Variants in UBE2F observed in about 807,000 individuals in gnomAD.
UBE2F encodes NEDD8-conjugating enzyme UBE2F.
UBE2F carries 5 observed loss-of-function variants against 29.6 expected under a neutral mutation model. The ratio of observed to expected loss-of-function variants is 0.17; its 90% CI spans 0.09 to 0.36. The LOEUF is 0.36. Ranked by LOEUF, UBE2F falls within the 10% of genes least tolerant of loss-of-function variation. UBE2F has a pLI of 1.00. For missense variants in UBE2F, 141 were observed against 228.5 expected, an observed-to-expected ratio of 0.62 and a Z score of 2.47; for synonymous variants, 66 against 81.8, an observed-to-expected ratio of 0.81 and a Z score of 1.04.
In UBE2F at chr2:238,040,429, A is replaced by G. The variant is rs2064814285; in HGVS notation, c.508-859A>G. On this transcript the variant is annotated intron_variant, in intron 9 of 9. Coordinates refer to ENST00000272930, the MANE Select transcript of UBE2F (RefSeq NM_080678.3). The surrounding 1 kb of genome is among the most constrained non-coding windows in gnomAD (Gnocchi z 4.4). Reference sequence around the variant, plus strand: ...TAAGGAAATGGAGCTCATGCCCACTAAGAACTATGGTAACTGTGCTGTGTT... The same window carrying G: ...TAAGGAAATGGAGCTCATGCCCACTGAGAACTATGGTAACTGTGCTGTGTT... 6.6e-6 allele frequency among the ~76,000 whole-genome samples: 1 copy of G among 152,218 alleles called. No individual in the cohort carries two copies. Among genetic ancestry groups the G allele is most frequent in the Non-Finnish European group, 1.5e-5 (1 of 68,036 alleles).
Position 237,973,496 on chromosome 2 carries a change from A to G in UBE2F, c.118+271A>G, listed in dbSNP as rs560079882. Reference sequence around the variant, plus strand: ...CGTCTGCCAAAATGCTAGCAGAAAGAATAAGGTGCTGAGAGTCAGCAAAGC... The same window carrying G: ...CGTCTGCCAAAATGCTAGCAGAAAGGATAAGGTGCTGAGAGTCAGCAAAGC... On this transcript the variant is annotated intron_variant, in intron 2 of 9. Transcript: ENST00000272930. Among the ~76,000 whole-genome samples the G allele has an allele frequency of 1.6e-4, 25 of 152,378 alleles. No individual in the cohort carries two copies. In the South Asian group the frequency reaches 4.1e-3, roughly 25 times the overall value.
At chr2:238,023,858 C>G (rs2064351043) in intron 5 of UBE2F, among the ~76,000 whole-genome samples, 1 of 152,068 alleles carries the variant, frequency 6.6e-6, no homozygotes, top group Non-Finnish European at 1.5e-5. Flanking sequence ...AGCAGTGTAT[C>G]AGAAGCTAGG....
chr2:237,975,517 A>G (rs2063263617), intron 2 of UBE2F, among the ~76,000 whole-genome samples: 1 of 152,184 alleles, frequency 6.6e-6, no homozygotes, highest in South Asian at 2.1e-4. Flanking sequence ...TGGAGATTGC[A>G]GGCATTTACG....
At chr2:237,980,260 G>A (rs981774781) in intron 2 of UBE2F, among the ~76,000 whole-genome samples, 1 of 152,188 alleles carries the variant, frequency 6.6e-6, no homozygotes, top group Non-Finnish European at 1.5e-5. Context: ...TGTGTGACCA[G>A]CCTTTTGTCT....
At chr2:237,973,357 C>A in intron 2 of UBE2F, 132 bp downstream of exon 2, 2 of 1,025,880 alleles carry the variant, frequency 1.9e-6, no homozygotes, top group South Asian at 1.6e-5. Context: ...AATATAATTG[C>A]TTATCTCTTA....
intron 4 of UBE2F, among the ~76,000 whole-genome samples, chr2:237,995,490 G>A (rs368787193): frequency 7.9e-5 from 12 of 152,162 alleles, no homozygotes; most frequent in African/African-American, 2.4e-4. Context: ...GGTGGCAACC[G>A]GTCGATGCTG....
chr2:237,969,833 G>A (rs1358892627), intron 1 of UBE2F, among the ~76,000 whole-genome samples: 2 of 152,204 alleles, frequency 1.3e-5, no homozygotes, highest in South Asian at 2.1e-4. Context: ...GTGACTATTT[G>A]CCTGTGAAGT....
chr2:237,971,673 G>C (rs148336552), intron 1 of UBE2F, among the ~76,000 whole-genome samples: 2 of 152,298 alleles, frequency 1.3e-5, no homozygotes, highest in East Asian at 1.9e-4. Flanking sequence ...GACCCTCTCT[G>C]ACCATGGCAA....
At chr2:238,024,686 A>G (rs574368104) in intron 5 of UBE2F, among the ~76,000 whole-genome samples, 1 of 152,244 alleles carries the variant, frequency 6.6e-6, no homozygotes, top group Admixed American at 6.5e-5. Context: ...GTGAGCCACC[A>G]TGCCCAAACT....
At chr2:238,019,483 C>T (rs2106387811) in intron 5 of UBE2F, among the ~76,000 whole-genome samples, 1 of 152,142 alleles carries the variant, frequency 6.6e-6, no homozygotes, top group African/African-American at 2.4e-5. Flanking sequence ...TGTCCTGCCT[C>T]AACCTCCTGA....
intron 2 of UBE2F, among the ~76,000 whole-genome samples, chr2:237,981,614 C>CTTTTTTTT: frequency 1.6e-5 from 1 of 62,370 alleles, no homozygotes; most frequent in Non-Finnish European, 2.8e-5. Flanking sequence ...AATTTGAATT[C>CTTTTTTTT]TTTTTTTTTT....
intron 5 of UBE2F, among the ~76,000 whole-genome samples, chr2:238,018,151 G>A (rs192721179): frequency 1.4e-4 from 22 of 152,260 alleles, no homozygotes; most frequent in African/African-American, 4.6e-4. Flanking sequence ...GAAACCTGGC[G>A]ACGGAGCACT....
chr2:238,038,862 A>G (rs976996749), intron 9 of UBE2F, among the ~76,000 whole-genome samples: 7 of 152,204 alleles, frequency 4.6e-5, no homozygotes, highest in African/African-American at 1.4e-4. Flanking sequence ...GGGAGGTGCA[A>G]AGTGCTCAGG....
intron 4 of UBE2F, among the ~76,000 whole-genome samples, chr2:237,995,012 T>G (rs963246048): frequency 6.6e-6 from 1 of 152,232 alleles, no homozygotes; most frequent in Non-Finnish European, 1.5e-5. Context: ...CAGTGTACAC[T>G]CTCAATAATG....
At chr2:238,035,650 C>T (rs2064691451) in intron 8 of UBE2F, 1 of 492,726 alleles carries the variant, frequency 2.0e-6, no homozygotes, top group Non-Finnish European at 3.6e-6. Context: ...TACATGTCAA[C>T]ATATCTCTGA....
At chr2:238,031,983 G>A (rs764016086) in intron 7 of UBE2F, among the ~76,000 whole-genome samples, 5 of 152,232 alleles carry the variant, frequency 3.3e-5, no homozygotes, top group Non-Finnish European at 7.3e-5. Flanking sequence ...CTGACTGGGA[G>A]GGTGTCTGAT....
chr2:237,971,068 A>G (rs2063167836), intron 1 of UBE2F, among the ~76,000 whole-genome samples: 1 of 152,216 alleles, frequency 6.6e-6, no homozygotes, highest in Non-Finnish European at 1.5e-5. Context: ...CATTTAGGGG[A>G]TATGCAGAAG....
intron 5 of UBE2F, among the ~76,000 whole-genome samples, chr2:238,017,885 C>T (rs1330992104): frequency 6.6e-6 from 1 of 152,114 alleles, no homozygotes; most frequent in African/African-American, 2.4e-5. Context: ...GTGGAGTTGC[C>T]CCCCAACCCC....
intron 2 of UBE2F, among the ~76,000 whole-genome samples, chr2:237,976,987 A>C (rs1049393350): frequency 2.0e-4 from 31 of 152,274 alleles, no homozygotes; most frequent in African/African-American, 7.0e-4. Flanking sequence ...AAGTAGCAGA[A>C]TAGAAGTGCA....
Sources: gnomAD v4.1 joint callset for allele counts (sites outside exome capture counted in the v4.1 genomes callset) on GRCh38, gnomAD v4.1.1 for gene constraint, Gnocchi (gnomAD v3.1) non-coding constraint, MANE v1.5 for transcripts, NCBI Gene and HGNC (gene_info 2026-07-23, HGNC 2026-07-21) for gene names.